Variants in EIF2AK4 observed in about 807,000 individuals in gnomAD.
The protein encoded by EIF2AK4 is eIF-2-alpha kinase GCN2.
A neutral mutation model predicts 211.1 loss-of-function variants in EIF2AK4; 139 were observed. The observed-to-expected ratio is 0.66, with a 90% CI of 0.57 to 0.76. EIF2AK4 has a LOEUF of 0.76. EIF2AK4 is among the 30% of genes least tolerant of loss of function. EIF2AK4 has a pLI of 0.00. For missense variants in EIF2AK4, 1,664 were observed against 2,043.8 expected (o/e 0.81, Z 3.58); for synonymous variants, 710 against 751.3 (o/e 0.94, Z 0.90).
intron 4 of EIF2AK4, among the ~76,000 whole-genome samples, chr15:39,952,383 C>A (rs1486342471): frequency 6.6e-6 from 1 of 151,232 alleles, no homozygotes. Flanking sequence ...TCAAGGGATC[C>A]TCCCGCCTAA....
At position 40,008,011 on chromosome 15, in the gene EIF2AK4, GGGTTTCTC is replaced by G. The variant is rs1463338837; in HGVS notation, c.3408-15_3408-8del. ...TAGTAAGCAATGACCTTAGAAATCT[GGGTTTCTC>G]TCTCCAGATACTGCATAGAACGTGT... On this transcript the variant is annotated splice_polypyrimidine_tract_variant and splice_region_variant and intron_variant, in intron 24 of 38. Coordinates refer to ENST00000263791, the MANE Select transcript of EIF2AK4 (RefSeq NM_001013703.4). The G allele has an allele frequency of 1.3e-5, 19 of 1,504,622 alleles. No individual in the cohort carries two copies. Among genetic ancestry groups the G allele is most frequent in the Admixed American group, 2.3e-5 (1 of 43,050 alleles). The allele number at this position is 1,504,622 out of a possible 1,614,324, so 93.2% of individuals were successfully genotyped here.
intron 13 of EIF2AK4, among the ~76,000 whole-genome samples, chr15:39,982,300 T>C (rs982432708): frequency 2.0e-5 from 3 of 152,338 alleles, no homozygotes; most frequent in South Asian, 2.1e-4. Context: ...CCAAAAAATA[T>C]GGAATTCCAG....
rs1180461221 is a variant in EIF2AK4, at chr15:39,967,538, G to A, written c.1212G>A (p.Arg404=). Residue 404 remains arginine, a synonymous_variant, in exon 9 of 39, where the codon AGG becomes AGA. Transcript: ENST00000263791. ...SGPIPVHQLR[R]YTAQLLSGLD... ...CCATCCCTGTGCATCAGCTTCGCAGGTACACAGCTCAGCTCCTGTCAGGCC... is the reference window on the plus strand; with the variant it reads ...CCATCCCTGTGCATCAGCTTCGCAGATACACAGCTCAGCTCCTGTCAGGCC... The A allele has an allele frequency of 1.2e-6, 2 of 1,613,846 alleles. No homozygotes were observed. Among genetic ancestry groups the A allele is most frequent in the Non-Finnish European group, 1.7e-6 (2 of 1,179,932 alleles).
intron 1 of EIF2AK4, 135 bp downstream of exon 1, chr15:39,934,474 G>T: frequency 3.2e-6 from 4 of 1,244,260 alleles, no homozygotes; most frequent in Non-Finnish European, 4.3e-6. Context: ...TTCCACCCAT[G>T]CTCACTTTAG....
chr15:40,007,202 A>C (rs2035173488), intron 24 of EIF2AK4, 137 bp downstream of exon 24: 1 of 803,590 alleles, frequency 1.2e-6, no homozygotes. Flanking sequence ...AGCTTAGAAT[A>C]TGAACCAGAA....
At chr15:40,011,483 GT>G in intron 27 of EIF2AK4, 137 bp downstream of exon 27, 1 of 660,622 alleles carries the variant, frequency 1.5e-6, no homozygotes, top group Non-Finnish European at 2.6e-6. Flanking sequence ...TCCCTTGAGT[GT>G]TAGGTACCAT....
rs2140918651 is a variant in EIF2AK4, at chr15:39,976,704, C to T, written c.2109C>T (p.Pro703=). Residue 703 remains proline, a synonymous_variant, in exon 12 of 39, where the codon CCC becomes CCT. Transcript: ENST00000263791. The stretch of plus-strand genomic sequence containing the variant: ...GCGTAGAGGCCGCCGCGCCGCCACC[C>T]ATCCTCAGCAGCTCGGTGGAGTGGA... The part of the protein sequence containing the change: ...LDSVEAAAPP[P]ILSSSVEWST... 1 of 1,601,774 alleles carries T rather than the reference C, an allele frequency of 6.2e-7. No individual in the cohort carries two copies. The highest frequency in any genetic ancestry group is 1.7e-5 in the Admixed American group (1 of 59,246).
Position 39,965,736 on chromosome 15 carries a change from A to T in EIF2AK4, c.910A>T (p.Thr304Ser), listed in dbSNP as rs1479754027. ...KLVYNALETATGGFVLLYEWV... is the reference protein window; with the variant it reads ...KLVYNALETASGGFVLLYEWV... ...AGTCTACAATGCTTTGGAAACAGCC[A>T]CTGGTGGCTTTGTCTTGTTGTATGA... is the stretch of plus-strand genomic sequence containing the variant. Residue 304 changes from threonine to serine, a missense_variant, in exon 8 of 39, where the codon ACT becomes TCT. Thr to Ser is a moderately conservative substitution (Grantham distance 58). Coordinates refer to ENST00000263791, the MANE Select transcript of EIF2AK4 (RefSeq NM_001013703.4). 6.2e-7 allele frequency: 1 copy of T among 1,613,978 alleles called. No homozygotes were observed. The highest frequency in any genetic ancestry group is 1.3e-5 in the African/African-American group (1 of 74,908).
chr15:40,024,743 T>C (rs1470586856), intron 32 of EIF2AK4, among the ~76,000 whole-genome samples: 5 of 151,438 alleles, frequency 3.3e-5, no homozygotes, highest in Admixed American at 2.6e-4. Flanking sequence ...TTTTTTGTTT[T>C]TTTTTTTGAG....
At chr15:40,007,598 T>G (rs1435211130) in intron 24 of EIF2AK4, among the ~76,000 whole-genome samples, 2 of 152,220 alleles carry the variant, frequency 1.3e-5, no homozygotes, top group Non-Finnish European at 2.9e-5. Context: ...CACTGAGATC[T>G]TCATAATTTG....
At position 39,949,113 on chromosome 15, in the gene EIF2AK4, T is replaced by C. The variant is rs1488602214; in HGVS notation, c.361-3T>C. The C allele has an allele frequency of 2.5e-6, 4 of 1,611,230 alleles. No homozygotes were observed. The Admixed American group carries it at 6.7e-5, about 27-fold the overall frequency. On this transcript the variant is annotated splice_polypyrimidine_tract_variant and splice_region_variant and intron_variant, in intron 3 of 38. Coordinates refer to ENST00000263791, the MANE Select transcript of EIF2AK4 (RefSeq NM_001013703.4). Reference sequence around the variant, plus strand: ...TGTGGTTGATTTTTGTTTACATGTTTAGGTGATGATCTTTGAACTGGCTTA... The same window carrying C: ...TGTGGTTGATTTTTGTTTACATGTTCAGGTGATGATCTTTGAACTGGCTTA...
chr15:39,978,695 A>G (rs1438085223), intron 13 of EIF2AK4, among the ~76,000 whole-genome samples: 1 of 152,218 alleles, frequency 6.6e-6, no homozygotes, highest in African/African-American at 2.4e-5. Context: ...AACACTAATG[A>G]TAGCTGATAA....
At position 39,976,395 on chromosome 15, in the gene EIF2AK4, TC is replaced by T; in HGVS notation, c.1819-15del. ...GTGCAAGGCTCCGAGCGGCTGACCT[TC>T]CCCTGGCTGTGCCGCAGGTGCAGAA... On this transcript the variant is annotated intron_variant, in intron 11 of 38. Transcript: ENST00000263791. 2 of 1,574,384 alleles carry T rather than the reference TC, an allele frequency of 1.3e-6. No homozygotes were observed. The highest frequency in any genetic ancestry group is 1.7e-6 in the Non-Finnish European group (2 of 1,160,744).
At position 40,029,422 on chromosome 15, in the gene EIF2AK4, C is replaced by A; in HGVS notation, c.4519C>A (p.Leu1507Ile). Residue 1507 changes from leucine (L) to isoleucine (I), a missense_variant, in exon 34 of 39, where the codon CTT becomes ATT. This residue lies in a region of EIF2AK4 where 138 missense variants were observed against 165.1 expected (regional missense o/e 0.84). Transcript: ENST00000263791. ...TGTTTTTAGAGAAGCTTCCGATAAT[C>A]TTGCAGTGCAAAATCTGAAGGGGTC... ...ERNGREASDN[L>I]AVQNLKGSFS... The A allele has an allele frequency of 6.2e-7, 1 of 1,612,956 alleles. No individual in the cohort carries two copies. The highest frequency in any genetic ancestry group is 8.5e-7 in the Non-Finnish European group (1 of 1,179,778).
At chr15:39,992,124 ATGGAATAATAT>A (rs773741073) in intron 16 of EIF2AK4, 40 bp from the exon 17 acceptor site, 1 of 1,504,380 alleles carries the variant, frequency 6.6e-7, no homozygotes, top group Non-Finnish European at 9.1e-7. Flanking sequence ...AGCCATTCTC[ATGGAATAATAT>A]CATGTTTTAA....
In EIF2AK4 at chr15:39,946,849, A is replaced by T. The variant is rs1440206529; in HGVS notation, c.361-2267A>T. On this transcript the variant is annotated intron_variant, in intron 3 of 38. Transcript: ENST00000263791. ...AGATTATGACGTCCTGAAGGTTCAGATGATCATTAGCATTTTTTAGCAATA... is the reference window on the plus strand; with the variant it reads ...AGATTATGACGTCCTGAAGGTTCAGTTGATCATTAGCATTTTTTAGCAATA... 5.2e-6 allele frequency: 3 copies of T among 576,352 alleles called. No homozygotes were observed. The African/African-American group carries it at 5.6e-5, about 11-fold the overall frequency. 35.7% of individuals were successfully genotyped at this position (576,352 alleles called of 1,614,324 possible).
At chr15:39,958,667 A>G (rs1180976737) in intron 6 of EIF2AK4, among the ~76,000 whole-genome samples, 1 of 152,192 alleles carries the variant, frequency 6.6e-6, no homozygotes, top group Non-Finnish European at 1.5e-5. Flanking sequence ...TGTCTCTACA[A>G]AGTGGCTCTG....
chr15:39,957,109 C>T (rs546928779), intron 6 of EIF2AK4, among the ~76,000 whole-genome samples: 24 of 152,280 alleles, frequency 1.6e-4, no homozygotes, highest in African/African-American at 5.8e-4. Flanking sequence ...CAGAGAATTT[C>T]ACTAGGAAAT....
At chr15:39,992,916 G>T in intron 18 of EIF2AK4, 68 bp downstream of exon 18, 2 of 1,498,446 alleles carry the variant, frequency 1.3e-6, no homozygotes, top group Non-Finnish European at 1.9e-6. Context: ...CACAGCATTT[G>T]GGATTTAGTC....
Sources: allele counts gnomAD v4.1 joint callset (sites outside exome capture counted in the v4.1 genomes callset), GRCh38; gene constraint gnomAD v4.1.1; regional missense constraint gnomAD v4.1.1; transcripts MANE v1.5; gene names NCBI Gene and HGNC (gene_info 2026-07-23, HGNC 2026-07-21).